The following PLEKHA5 variants were observed in gnomAD, a reference collection of about 807,000 sequenced individuals.
PLEKHA5 encodes pleckstrin homology domain-containing family A member 5.
A neutral mutation model predicts 181.9 loss-of-function variants in PLEKHA5; 55 were observed. The observed-to-expected ratio is 0.30, with a 90% confidence interval of 0.24 to 0.38. The LOEUF (loss-of-function observed/expected upper bound fraction) is 0.38. Among genes scored for constraint, PLEKHA5 ranks in the 10% least tolerant of loss-of-function variants. The pLI, the probability that PLEKHA5 is intolerant of heterozygous loss-of-function variation, is 1.00. For synonymous variants in PLEKHA5, 535 were observed against 529.4 expected, an observed-to-expected ratio of 1.01 and a Z score of -0.15; for missense variants, 1,432 against 1,549.5, an observed-to-expected ratio of 0.92 and a Z score of 1.27.
At chr12:19,276,168 T>C (rs1385144514) in intron 11 of PLEKHA5, among the ~76,000 whole-genome samples, 2 of 152,112 alleles carry the variant, frequency 1.3e-5, no homozygotes, top group Non-Finnish European at 2.9e-5. Context: ...AGAAATCCAG[T>C]ATGACTTGAT....
At chr12:19,205,221 A>G (rs983692320) in intron 3 of PLEKHA5, 3 of 181,276 alleles carry the variant, frequency 1.7e-5, no homozygotes, top group Non-Finnish European at 3.2e-5. Context: ...ATATGCTGAG[A>G]TGAAATACCA....
intron 3 of PLEKHA5, among the ~76,000 whole-genome samples, chr12:19,247,955 C>G (rs544987655): frequency 4.7e-5 from 7 of 149,750 alleles, no homozygotes; most frequent in African/African-American, 1.2e-4. Flanking sequence ...GAGAGAGAGA[C>G]AAGGTCTTGC....
intron 3 of PLEKHA5, among the ~76,000 whole-genome samples, chr12:19,138,194 A>AT (rs1457922552): frequency 1.1e-4 from 16 of 152,124 alleles, no homozygotes; most frequent in Admixed American, 1.0e-3. Flanking sequence ...TGACTGTTTC[A>AT]TTTTTTTAAA....
At chr12:19,211,884 T>C (rs1487849900) in intron 3 of PLEKHA5, among the ~76,000 whole-genome samples, 2 of 152,210 alleles carry the variant, frequency 1.3e-5, no homozygotes, top group African/African-American at 4.8e-5. Flanking sequence ...TACTGCCTTA[T>C]CATGCCAGCT....
At chr12:19,218,578 T>C (rs2058393675) in intron 3 of PLEKHA5, among the ~76,000 whole-genome samples, 1 of 152,174 alleles carries the variant, frequency 6.6e-6, no homozygotes, top group Non-Finnish European at 1.5e-5. Context: ...TCATGATCTT[T>C]GTAGCAATAT....
chr12:19,336,557 G>A lies in PLEKHA5; in HGVS notation c.2491G>A (p.Asp831Asn), dbSNP rs991766077. ...AWREYDKLEY[D>N]VTVTRNQMQE... ...GAGAGAATATGATAAGTTAGAATAC[G>A]ATGTAACTGTTACCAGGAACCAGAT... Residue 831 changes from aspartate to asparagine, a missense_variant, in exon 21 of 32, where the codon GAT becomes AAT. Asp to Asn is a conservative substitution (Grantham distance 23, BLOSUM62 1). Around this residue, in one of 2 missense-constraint regions of PLEKHA5, gnomAD observed 1,143 missense variants for 1,168.4 expected, o/e 0.98. Transcript: ENST00000429027. 10 of 1,609,852 alleles carry A rather than the reference G, an allele frequency of 6.2e-6. No homozygotes were observed. The highest frequency in any genetic ancestry group is 8.5e-6 in the Non-Finnish European group (10 of 1,177,008).
intron 21 of PLEKHA5, among the ~76,000 whole-genome samples, chr12:19,340,758 GCTCGTTAAGAGTCATCA>G (rs2093839756): frequency 6.8e-6 from 1 of 147,324 alleles, no homozygotes; most frequent in African/African-American, 2.5e-5. Flanking sequence ...AAGGCAGCAT[GCTCGTTAAGAGTCATCA>G]CCACTCCCTA....
chr12:19,228,101 G>A (rs1176627512), intron 3 of PLEKHA5, among the ~76,000 whole-genome samples: 1 of 152,146 alleles, frequency 6.6e-6, no homozygotes, highest in Non-Finnish European at 1.5e-5. Flanking sequence ...GGGAAAATCA[G>A]CTTTCTCAAG....
At chr12:19,311,262 CAAA>C (rs112913366) in intron 15 of PLEKHA5, among the ~76,000 whole-genome samples, 3 of 98,924 alleles carry the variant, frequency 3.0e-5, no homozygotes, top group Admixed American at 1.1e-4. Context: ...CCTGTCTCTG[CAAA>C]AAAAAAAAAA....
intron 20 of PLEKHA5, among the ~76,000 whole-genome samples, chr12:19,335,036 T>TG (rs1436238117): frequency 2.1e-5 from 3 of 141,512 alleles, no homozygotes; most frequent in Non-Finnish European, 4.6e-5. Context: ...TTTTGTTTTT[T>TG]TTTTTTTCTT....
chr12:19,334,827 AAAAT>A (rs1405486232), intron 20 of PLEKHA5, among the ~76,000 whole-genome samples: 21 of 16,570 alleles, frequency 1.3e-3, no homozygotes, highest in East Asian at 2.9e-3. Flanking sequence ...ACAAAAAAAA[AAAAT>A]ATATATATAT....
chr12:19,253,063 C>CATT (rs1314175368), intron 3 of PLEKHA5, among the ~76,000 whole-genome samples: 3 of 51,992 alleles, frequency 5.8e-5, no homozygotes, highest in Non-Finnish European at 1.1e-4. Flanking sequence ...AATCAACTTA[C>CATT]CTTTTTTTTT....
At chr12:19,252,162 G>A (rs2065507008) in intron 3 of PLEKHA5, among the ~76,000 whole-genome samples, 1 of 151,856 alleles carries the variant, frequency 6.6e-6, no homozygotes. Flanking sequence ...TTATTTAATG[G>A]ATAAAGCTTC....
chr12:19,262,894 CA>C (rs2068953210), intron 7 of PLEKHA5, among the ~76,000 whole-genome samples: 1 of 152,060 alleles, frequency 6.6e-6, no homozygotes, highest in Non-Finnish European at 1.5e-5. Context: ...AACAAACAAA[CA>C]AAAAACAAGC....
intron 3 of PLEKHA5, among the ~76,000 whole-genome samples, chr12:19,142,126 G>A (rs529333572): frequency 2.2e-4 from 33 of 152,240 alleles, no homozygotes; most frequent in Admixed American, 1.8e-3. Flanking sequence ...TTGGGAGGCC[G>A]AGGCAGGAGG....
At chr12:19,346,301 A>G (rs1331374155) in intron 23 of PLEKHA5, among the ~76,000 whole-genome samples, 1 of 152,208 alleles carries the variant, frequency 6.6e-6, no homozygotes, top group Non-Finnish European at 1.5e-5. Flanking sequence ...TATTATTTTG[A>G]ATTTCGTATA....
intron 3 of PLEKHA5, among the ~76,000 whole-genome samples, chr12:19,221,897 C>T (rs370529615): frequency 6.6e-6 from 1 of 152,040 alleles, no homozygotes. Flanking sequence ...AATGTGATAT[C>T]CTACAACAGA....
chr12:19,350,619 A>C (rs2094545799), intron 25 of PLEKHA5, among the ~76,000 whole-genome samples: 2 of 152,188 alleles, frequency 1.3e-5, no homozygotes, highest in Admixed American at 1.3e-4. Flanking sequence ...AAATACAAAA[A>C]TTAGCCAGGT....
intron 3 of PLEKHA5, among the ~76,000 whole-genome samples, chr12:19,164,577 A>G (rs180680817): frequency 5.7e-4 from 86 of 152,054 alleles, no homozygotes; most frequent in African/African-American, 2.0e-3. Flanking sequence ...TCTTGGCACT[A>G]TTGCCCACCC....
Sources: gnomAD v4.1 joint callset for allele counts (sites outside exome capture counted in the v4.1 genomes callset) on GRCh38, gnomAD v4.1.1 for gene constraint, gnomAD v4.1.1 regional missense constraint, MANE v1.5 for transcripts, NCBI Gene and HGNC (gene_info 2026-07-23, HGNC 2026-07-21) for gene names.